ANKS1B: variants seen among roughly 807,000 people sequenced by gnomAD.
The protein encoded by ANKS1B is ankyrin repeat and sterile alpha motif domain containing 1B, also known as ankyrin repeat and sterile alpha motif domain-containing protein 1B.
A neutral mutation model predicts 148.3 loss-of-function variants in ANKS1B; 36 were observed. That is an observed-to-expected ratio of 0.24 (90% confidence interval 0.19 to 0.32). The LOEUF (loss-of-function observed/expected upper bound fraction) is 0.32, where lower values mean the gene tolerates loss of function less well. Ranked by LOEUF, ANKS1B falls within the 10% of genes least tolerant of loss-of-function variation. The pLI, the probability that ANKS1B is intolerant of heterozygous loss-of-function variation, is 1.00. For synonymous variants in ANKS1B, 542 were observed against 560.8 expected (o/e 0.97, Z 0.47); for missense variants, 1,157 against 1,542.6 (o/e 0.75, Z 4.19).
chr12:99,891,103 A>T (rs948487623), intron 1 of ANKS1B, among the ~76,000 whole-genome samples: 3 of 152,210 alleles, frequency 2.0e-5, no homozygotes, highest in African/African-American at 7.2e-5. Flanking sequence ...TTCATTTTGT[A>T]GCGTGCATCA....
At chr12:98,891,682 A>G (rs1182887951) in intron 17 of ANKS1B, among the ~76,000 whole-genome samples, 1 of 152,240 alleles carries the variant, frequency 6.6e-6, no homozygotes, top group East Asian at 1.9e-4. Context: ...ATACATATAC[A>G]AGAGTAAAAA....
chr12:99,739,671 T>C (rs1016277658), intron 8 of ANKS1B, among the ~76,000 whole-genome samples: 1 of 152,152 alleles, frequency 6.6e-6, no homozygotes, highest in African/African-American at 2.4e-5. Flanking sequence ...GTCATCTCTA[T>C]GTCATCTCCG....
intron 19 of ANKS1B, among the ~76,000 whole-genome samples, chr12:98,824,484 A>G (rs560097034): frequency 1.1e-4 from 16 of 152,344 alleles, no homozygotes; most frequent in African/African-American, 3.8e-4. Context: ...CGATAGTCAT[A>G]TCTGTCTATA....
At chr12:98,884,198 G>T (rs145162072) in intron 17 of ANKS1B, among the ~76,000 whole-genome samples, 1 of 152,174 alleles carries the variant, frequency 6.6e-6, no homozygotes, top group African/African-American at 2.4e-5. Context: ...TAGTGTTAGT[G>T]TATAGACCAA....
At chr12:99,724,993 G>T (rs1048089477) in intron 8 of ANKS1B, among the ~76,000 whole-genome samples, 8 of 152,124 alleles carry the variant, frequency 5.3e-5, no homozygotes, top group Non-Finnish European at 8.8e-5. Context: ...CCTTACAAGA[G>T]CCCCTGAGGG....
intron 1 of ANKS1B, among the ~76,000 whole-genome samples, chr12:99,840,884 C>T (rs550981213): frequency 3.0e-4 from 45 of 152,210 alleles, no homozygotes; most frequent in African/African-American, 1.1e-3. Flanking sequence ...AACGGCATGC[C>T]TGGTAGGGCA....
At chr12:99,659,620 G>A (rs370120749) in intron 8 of ANKS1B, among the ~76,000 whole-genome samples, 4 of 151,888 alleles carry the variant, frequency 2.6e-5, no homozygotes, top group Non-Finnish European at 4.4e-5. Flanking sequence ...ATTTCCCTGT[G>A]AGGCAGTGTG....
chr12:98,929,610 T>C (rs2099811986), intron 17 of ANKS1B, among the ~76,000 whole-genome samples: 1 of 151,806 alleles, frequency 6.6e-6, no homozygotes, highest in Non-Finnish European at 1.5e-5. Context: ...TCAATGAAAA[T>C]AATTTATATT....
At chr12:98,743,502 CT>C (rs2153354972), downstream of ANKS1B, among the ~76,000 whole-genome samples, 1 of 152,204 alleles carries the variant, frequency 6.6e-6, no homozygotes, top group African/African-American at 2.4e-5. Context: ...AGAAAATCAG[CT>C]GCAAATCTCT....
At chr12:99,320,800 T>C (rs1264709556) in intron 12 of ANKS1B, among the ~76,000 whole-genome samples, 1 of 152,206 alleles carries the variant, frequency 6.6e-6, no homozygotes, top group Non-Finnish European at 1.5e-5. Flanking sequence ...TTTTCAACTT[T>C]TGTGCTCTGG....
At chr12:99,693,356 A>G (rs1052745877) in intron 8 of ANKS1B, among the ~76,000 whole-genome samples, 7 of 152,216 alleles carry the variant, frequency 4.6e-5, no homozygotes, top group Admixed American at 1.3e-4. Context: ...GAGACAGGAC[A>G]AAATCTAAGT....
chr12:99,364,818 A>G (rs1348438725), intron 12 of ANKS1B, among the ~76,000 whole-genome samples: 1 of 152,172 alleles, frequency 6.6e-6, no homozygotes, highest in African/African-American at 2.4e-5. Flanking sequence ...ACTGCTTTTG[A>G]TTATTGCTAT....
intron 1 of ANKS1B, among the ~76,000 whole-genome samples, chr12:99,927,821 C>T (rs1603462196): frequency 1.3e-5 from 2 of 152,144 alleles, no homozygotes; most frequent in Admixed American, 1.3e-4. Context: ...GAATATGCTG[C>T]TTTAAGTTTG....
intron 12 of ANKS1B, among the ~76,000 whole-genome samples, chr12:99,390,633 T>C (rs1405595308): frequency 3.9e-5 from 6 of 152,188 alleles, no homozygotes; most frequent in Non-Finnish European, 7.3e-5. Context: ...AGCTCTGGGT[T>C]CCCAATCCCA....
chr12:99,847,191 A>C (rs2086818049), intron 1 of ANKS1B, among the ~76,000 whole-genome samples: 1 of 150,972 alleles, frequency 6.6e-6, no homozygotes, highest in Non-Finnish European at 1.5e-5. Flanking sequence ...CTGCATTCTC[A>C]AACTCCTAGG....
chr12:99,534,512 T>C (rs1258253943), intron 9 of ANKS1B, among the ~76,000 whole-genome samples: 2 of 152,198 alleles, frequency 1.3e-5, no homozygotes, highest in African/African-American at 4.8e-5. Context: ...AGGACTCACT[T>C]ATTTGGTTAA....
At chr12:99,867,072 A>G (rs903613519) in intron 1 of ANKS1B, among the ~76,000 whole-genome samples, 5 of 152,248 alleles carry the variant, frequency 3.3e-5, no homozygotes, top group African/African-American at 1.2e-4. Context: ...GTCAAAGTTT[A>G]CAGTTATCTT....
chr12:99,789,802 A>G (rs1039048772), intron 4 of ANKS1B, among the ~76,000 whole-genome samples: 5 of 152,148 alleles, frequency 3.3e-5, no homozygotes, highest in African/African-American at 1.2e-4. Context: ...CTCATCTGAA[A>G]ACACACTGAG....
chr12:99,713,286 C>G (rs2056875060), intron 8 of ANKS1B, among the ~76,000 whole-genome samples: 1 of 152,176 alleles, frequency 6.6e-6, no homozygotes, highest in African/African-American at 2.4e-5. Context: ...AAAGACTGCT[C>G]AGCCAAACCT....
Sources: allele counts gnomAD v4.1 joint callset (sites outside exome capture counted in the v4.1 genomes callset), GRCh38; gene constraint gnomAD v4.1.1; transcripts MANE v1.5; gene names NCBI Gene and HGNC (gene_info 2026-07-23, HGNC 2026-07-21).